CCDC91: variants seen among roughly 807,000 people sequenced by gnomAD.
The protein encoded by CCDC91 is coiled-coil domain containing 91, also known as coiled-coil domain-containing protein 91.
In CCDC91, 48 loss-of-function variants were observed where a neutral mutation model predicts 63.2. The observed-to-expected ratio is 0.76, with a 90% CI of 0.60 to 0.97. The LOEUF (loss-of-function observed/expected upper bound fraction) is 0.97. Ranked by LOEUF, CCDC91 falls within the 50% of genes least tolerant of loss-of-function variation. CCDC91 has a pLI of 0.00. For missense variants in CCDC91, 500 were observed against 494.6 expected (o/e 1.01, Z -0.10); for synonymous variants, 167 against 165.8 (o/e 1.01, Z -0.06).
intron 1 of CCDC91, among the ~76,000 whole-genome samples, chr12:28,229,264 CTGGCTTTGGGCTAAT>C (rs1346312002): frequency 6.6e-6 from 1 of 151,718 alleles, no homozygotes; most frequent in Non-Finnish European, 1.5e-5. Context: ...ATGGCTGCTG[CTGGCTTTGGGCTAAT>C]TTCTTCATAG....
intron 11 of CCDC91, among the ~76,000 whole-genome samples, chr12:28,475,486 G>A (rs968735996): frequency 2.0e-5 from 3 of 152,080 alleles, no homozygotes; most frequent in African/African-American, 4.8e-5. Flanking sequence ...GAGATTTATT[G>A]ATAGAGTTTA....
chr12:28,249,164 A>T (rs1945955670), intron 1 of CCDC91, among the ~76,000 whole-genome samples: 1 of 152,214 alleles, frequency 6.6e-6, no homozygotes. Context: ...GCTTTTCTGG[A>T]GAATGAGAGA....
At chr12:28,472,303 C>G (rs1186378460) in intron 11 of CCDC91, among the ~76,000 whole-genome samples, 1 of 152,148 alleles carries the variant, frequency 6.6e-6, no homozygotes, top group East Asian at 1.9e-4. Context: ...TGAACCCCTC[C>G]CAGATTGCCA....
intron 8 of CCDC91, among the ~76,000 whole-genome samples, chr12:28,435,912 A>G (rs761690971): frequency 6.6e-6 from 1 of 151,778 alleles, no homozygotes; most frequent in Non-Finnish European, 1.5e-5. Context: ...TGTCTGAAAT[A>G]TAGCTAGTCT....
chr12:28,316,519 A>G (rs1325674672), intron 6 of CCDC91, among the ~76,000 whole-genome samples: 11 of 28,306 alleles, frequency 3.9e-4, no homozygotes, highest in Admixed American at 8.5e-4. Context: ...TTTTTATTTT[A>G]TTTATTTATT....
chr12:28,436,745 A>G (rs969530446), intron 8 of CCDC91, among the ~76,000 whole-genome samples: 9 of 151,824 alleles, frequency 5.9e-5, no homozygotes, highest in African/African-American at 2.2e-4. Flanking sequence ...TGCAGGGTAC[A>G]CAATTCCAGA....
chr12:28,416,020 G>C (rs1302489482), intron 8 of CCDC91, among the ~76,000 whole-genome samples: 1 of 151,180 alleles, frequency 6.6e-6, no homozygotes, highest in African/African-American at 2.4e-5. Flanking sequence ...AATTTATCAT[G>C]AAGGAGGAAT....
chr12:28,451,591 A>G (rs567571644), intron 10 of CCDC91, among the ~76,000 whole-genome samples: 3 of 151,760 alleles, frequency 2.0e-5, no homozygotes, highest in African/African-American at 7.2e-5. Flanking sequence ...TTAAATTATG[A>G]TATACAGAAA....
chr12:28,257,622 T>A (rs1229020813), intron 2 of CCDC91, among the ~76,000 whole-genome samples: 1 of 152,118 alleles, frequency 6.6e-6, no homozygotes, highest in Non-Finnish European at 1.5e-5. Flanking sequence ...TATTTGCATG[T>A]TTATACCTGC....
At chr12:28,493,170 T>G (rs1022354103) in intron 12 of CCDC91, among the ~76,000 whole-genome samples, 1 of 151,644 alleles carries the variant, frequency 6.6e-6, no homozygotes. Context: ...ATTTTACAGA[T>G]AAGGAAAATT....
chr12:28,459,978 A>G (rs1020590848), intron 11 of CCDC91, among the ~76,000 whole-genome samples: 1 of 152,086 alleles, frequency 6.6e-6, no homozygotes, highest in Non-Finnish European at 1.5e-5. Context: ...AATTTAACCT[A>G]CTTTCTAATT....
At chr12:28,279,351 T>G (rs555013539) in intron 3 of CCDC91, among the ~76,000 whole-genome samples, 1 of 152,252 alleles carries the variant, frequency 6.6e-6, no homozygotes, top group African/African-American at 2.4e-5. Context: ...CCCCTCAAGT[T>G]AAGTACAGAA....
intron 1 of CCDC91, among the ~76,000 whole-genome samples, chr12:28,205,784 T>C (rs1251531469): frequency 1.3e-5 from 2 of 152,208 alleles, no homozygotes; most frequent in Admixed American, 1.3e-4. Context: ...TTTTCAGTCT[T>C]GTCAACCTAT....
chr12:28,441,644 C>A (rs1157614204), intron 8 of CCDC91, among the ~76,000 whole-genome samples: 1 of 147,242 alleles, frequency 6.8e-6, no homozygotes, highest in African/African-American at 2.6e-5. Flanking sequence ...ATATATCTCT[C>A]TCTCATATGT....
chr12:28,452,498 G>A lies in CCDC91; in HGVS notation c.945G>A (p.Lys315=), dbSNP rs763218890. ...SAAKLEKEAV[K]DAVLKVVEEE... is the part of the protein sequence containing the mutation. The stretch of plus-strand genomic sequence containing the variant: ...TGAAGCTTGAAAAAGAAGCAGTGAA[G>A]GATGCAGTTTTAAAAGTCGTAGAAG... Residue 315 remains lysine (K), a synonymous_variant, in exon 11 of 13, where the codon AAG becomes AAA. Coordinates refer to ENST00000536442, the MANE Select transcript of CCDC91 (RefSeq NM_018318.5). The A allele has an allele frequency of 1.3e-5, 21 of 1,570,550 alleles. No individual in the cohort carries two copies. Among genetic ancestry groups the A allele is most frequent in the Non-Finnish European group, 1.7e-5 (20 of 1,158,964 alleles).
At chr12:28,267,141 T>C (rs1385522650) in intron 3 of CCDC91, among the ~76,000 whole-genome samples, 4 of 151,656 alleles carry the variant, frequency 2.6e-5, no homozygotes, top group African/African-American at 9.7e-5. Context: ...ATTTTTCTTT[T>C]ATCTTAGTTC....
At chr12:28,418,453 A>T (rs1192265260) in intron 8 of CCDC91, among the ~76,000 whole-genome samples, 3 of 152,158 alleles carry the variant, frequency 2.0e-5, no homozygotes, top group Non-Finnish European at 4.4e-5. Context: ...TTCAAACTGT[A>T]CAACTTTTAG....
At chr12:28,276,071 A>T (rs150698743) in intron 3 of CCDC91, among the ~76,000 whole-genome samples, 85 of 152,214 alleles carry the variant, frequency 5.6e-4, no homozygotes, top group African/African-American at 1.9e-3. Context: ...CAAGACAGGG[A>T]TGCCCTCTCT....
chr12:28,293,754 G>A (rs1465790701), intron 3 of CCDC91, among the ~76,000 whole-genome samples: 4 of 151,448 alleles, frequency 2.6e-5, no homozygotes, highest in Admixed American at 2.6e-4. Context: ...CAGGAGATGG[G>A]GTCTTGGTCT....
Sources: gnomAD v4.1 joint callset for allele counts (sites outside exome capture counted in the v4.1 genomes callset) on GRCh38, gnomAD v4.1.1 for gene constraint, MANE v1.5 for transcripts, NCBI Gene and HGNC (gene_info 2026-07-23, HGNC 2026-07-21) for gene names.